The following GRIN2B variants were observed in gnomAD, a reference collection of about 807,000 sequenced individuals.
GRIN2B encodes glutamate ionotropic receptor NMDA type subunit 2B, also known as glutamate receptor ionotropic, NMDA 2B.
Under a neutral mutation model 114.5 loss-of-function variants are expected in GRIN2B, and 5 were observed. The observed-to-expected ratio is 0.04, with a 90% CI of 0.02 to 0.09. The LOEUF (loss-of-function observed/expected upper bound fraction) is 0.09, where lower values mean the gene tolerates loss of function less well. GRIN2B is among the 10% of genes least tolerant of loss of function. The probability of loss-of-function intolerance (pLI) is 1.00; values close to 1 mark genes in which losing one functional copy is unlikely to be tolerated. For missense variants in GRIN2B, 1,108 were observed against 1,943.5 expected, an observed-to-expected ratio of 0.57 and a Z score of 8.08; for synonymous variants, 787 against 745.1, an observed-to-expected ratio of 1.06 and a Z score of -0.92.
Position 13,558,402 on chromosome 12 carries a change from T to C in GRIN2B, c.*4381A>G, listed in dbSNP as rs1456146391. ...ATAAAGTGAGTTCTGGAATAGTTTT[T>C]CCAAAAGCTTATTGCCCAAACAATC... On this transcript the variant is annotated 3_prime_UTR_variant, in exon 14 of 14. Transcript: ENST00000609686. The C allele has an allele frequency of 6.6e-6, 1 of 151,440 alleles. No homozygotes were observed. The highest frequency in any genetic ancestry group is 2.4e-5 in the African/African-American group (1 of 41,128). 9.4% of individuals were successfully genotyped at this position (151,440 alleles called of 1,614,324 possible).
chr12:13,635,205 G>A (rs1045832789), intron 5 of GRIN2B, among the ~76,000 whole-genome samples: 3 of 152,184 alleles, frequency 2.0e-5, no homozygotes. Context: ...AGAGGAGGCT[G>A]AGAAACGTAG....
chr12:13,839,712 C>T (rs1458625976), intron 3 of GRIN2B, among the ~76,000 whole-genome samples: 3 of 152,130 alleles, frequency 2.0e-5, no homozygotes, highest in Non-Finnish European at 2.9e-5. Flanking sequence ...ATTGATGCCA[C>T]CATGGTCCAC....
At chr12:13,579,391 G>GTGACCTTGATCA (rs1565460740) in intron 10 of GRIN2B, among the ~76,000 whole-genome samples, 1 of 152,212 alleles carries the variant, frequency 6.6e-6, no homozygotes, top group Non-Finnish European at 1.5e-5. Context: ...TGATAGCTGT[G>GTGACCTTGATCA]TGACCTTGAT....
At chr12:13,676,478 C>A (rs188966884) in intron 4 of GRIN2B, among the ~76,000 whole-genome samples, 3 of 152,198 alleles carry the variant, frequency 2.0e-5, no homozygotes, top group Admixed American at 1.3e-4. Context: ...AATAAAGGGA[C>A]CTACTTCATT....
At position 13,790,877 on chromosome 12, in the gene GRIN2B, C is replaced by T. The variant is rs139572179; in HGVS notation, c.412-36962G>A. Among the ~76,000 whole-genome samples, 552 of 152,196 alleles carry T rather than the reference C, an allele frequency of 3.6e-3. 1 individual carries two copies. The highest frequency in any genetic ancestry group is 0.014 in the Middle Eastern group (4 of 294). On this transcript the variant is annotated intron_variant, in intron 3 of 13. Coordinates refer to ENST00000609686, the MANE Select transcript of GRIN2B (RefSeq NM_000834.5). Reference sequence around the variant, plus strand: ...GGCAAGATTGAGGTTGAAATAAGGACCCAGAGAGCGGGGCCAAGAGTGAGA... The same window carrying T: ...GGCAAGATTGAGGTTGAAATAAGGATCCAGAGAGCGGGGCCAAGAGTGAGA...
At chr12:13,755,988 T>C (rs1863568574) in intron 3 of GRIN2B, among the ~76,000 whole-genome samples, 1 of 152,180 alleles carries the variant, frequency 6.6e-6, no homozygotes, top group Non-Finnish European at 1.5e-5. Context: ...GATCTTGAAC[T>C]TCCCAGACTC....
intron 10 of GRIN2B, among the ~76,000 whole-genome samples, chr12:13,586,687 C>T (rs757453983): frequency 2.6e-5 from 4 of 152,212 alleles, no homozygotes; most frequent in Non-Finnish European, 5.9e-5. Flanking sequence ...TCTGAAATAC[C>T]TGCCCGATTT....
chr12:13,660,160 A>G (rs1743127715), intron 5 of GRIN2B, among the ~76,000 whole-genome samples: 1 of 152,162 alleles, frequency 6.6e-6, no homozygotes, highest in Non-Finnish European at 1.5e-5. Context: ...CAAAACTGAC[A>G]TCTCATCACT....
intron 3 of GRIN2B, among the ~76,000 whole-genome samples, chr12:13,789,083 T>C (rs1467373207): frequency 6.6e-6 from 1 of 151,926 alleles, no homozygotes; most frequent in Non-Finnish European, 1.5e-5. Flanking sequence ...TTGTTTTTTT[T>C]CCTATACACA....
At chr12:13,731,385 G>T (rs1235482434) in intron 4 of GRIN2B, among the ~76,000 whole-genome samples, 2 of 152,054 alleles carry the variant, frequency 1.3e-5, no homozygotes, top group Non-Finnish European at 2.9e-5. Context: ...GGATCATAAG[G>T]TCAGGAGATC....
intron 2 of GRIN2B, among the ~76,000 whole-genome samples, chr12:13,968,062 A>C (rs1026341414): frequency 1.3e-5 from 2 of 152,232 alleles, no homozygotes; most frequent in Non-Finnish European, 2.9e-5. Flanking sequence ...TTCTCAATAA[A>C]ATACTGTGAA....
chr12:13,688,735 T>C (rs913166604), intron 4 of GRIN2B, among the ~76,000 whole-genome samples: 8 of 152,204 alleles, frequency 5.3e-5, no homozygotes, highest in Non-Finnish European at 1.2e-4. Context: ...CAAAAACTTA[T>C]CCTGCTTTGG....
chr12:13,797,219 C>T (rs1311539939), intron 3 of GRIN2B, among the ~76,000 whole-genome samples: 1 of 152,112 alleles, frequency 6.6e-6, no homozygotes, highest in Non-Finnish European at 1.5e-5. Flanking sequence ...GCCTTCCTCA[C>T]ATGATGGAAG....
intron 3 of GRIN2B, among the ~76,000 whole-genome samples, chr12:13,809,343 C>T (rs1004862237): frequency 1.3e-5 from 2 of 152,170 alleles, no homozygotes; most frequent in South Asian, 2.1e-4. Context: ...CAAGTCCCAG[C>T]CACTTTGTAC....
At chr12:13,827,372 T>C (rs1865063243) in intron 3 of GRIN2B, among the ~76,000 whole-genome samples, 1 of 151,906 alleles carries the variant, frequency 6.6e-6, no homozygotes, top group Admixed American at 6.6e-5. Flanking sequence ...ATTCTTCCAA[T>C]ATTTTTCTTT....
intron 4 of GRIN2B, among the ~76,000 whole-genome samples, chr12:13,678,295 T>C (rs1008058240): frequency 6.6e-6 from 1 of 152,156 alleles, no homozygotes; most frequent in South Asian, 2.1e-4. Flanking sequence ...TGTCCTTGTA[T>C]GTAAGTTTCC....
Position 13,972,293 on chromosome 12 carries a change from A to C in GRIN2B, c.-19+7635T>G, listed in dbSNP as rs566200267. 2.6e-5 allele frequency among the ~76,000 whole-genome samples: 4 copies of C among 152,324 alleles called. No homozygotes were observed. In the South Asian group the frequency reaches 8.3e-4, roughly 32 times the overall value. ...TGATTTTGTTATTGAAGTGGAGTTC[A>C]AAATCACTGCTTCAGACTATTGTCA... On this transcript the variant is annotated intron_variant, in intron 2 of 13. Coordinates refer to ENST00000609686, the MANE Select transcript of GRIN2B (RefSeq NM_000834.5).
chr12:13,878,488 G>C (rs1866024608), intron 2 of GRIN2B, among the ~76,000 whole-genome samples: 1 of 152,212 alleles, frequency 6.6e-6, no homozygotes, highest in African/African-American at 2.4e-5. Flanking sequence ...CCACACCTTG[G>C]TAAATAGCCC....
At chr12:13,675,358 C>T (rs992847995) in intron 5 of GRIN2B, among the ~76,000 whole-genome samples, 6 of 152,046 alleles carry the variant, frequency 3.9e-5, no homozygotes, top group Admixed American at 6.6e-5. Context: ...AAGTCTAAAC[C>T]TTTCTTCTCA....
Sources: allele counts gnomAD v4.1 joint callset (sites outside exome capture counted in the v4.1 genomes callset), GRCh38; gene constraint gnomAD v4.1.1; transcripts MANE v1.5; gene names NCBI Gene and HGNC (gene_info 2026-07-23, HGNC 2026-07-21).